KSR1: variants seen among roughly 807,000 people sequenced by gnomAD.
The protein encoded by KSR1 is kinase suppressor of ras.
KSR1 carries 35 observed loss-of-function variants against 92.9 expected under a neutral mutation model. The observed-to-expected ratio is 0.38, with a 90% CI of 0.29 to 0.50. The LOEUF (loss-of-function observed/expected upper bound fraction) is 0.50. KSR1 is among the 20% of genes least tolerant of loss of function. The pLI, the probability that KSR1 is intolerant of heterozygous loss-of-function variation, is 0.94. For missense variants in KSR1, 972 were observed against 1,158.5 expected (o/e 0.84, Z 2.34); for synonymous variants, 467 against 472.6 (o/e 0.99, Z 0.15).
At chr17:27,542,127 C>A (rs1255289037) in intron 1 of KSR1, among the ~76,000 whole-genome samples, 3 of 152,250 alleles carry the variant, frequency 2.0e-5, no homozygotes, top group Non-Finnish European at 4.4e-5. Flanking sequence ...CATCAGTCAC[C>A]CTTGTGCTAT....
At chr17:27,468,466 C>T (rs187909413) in intron 1 of KSR1, among the ~76,000 whole-genome samples, 9 of 151,378 alleles carry the variant, frequency 5.9e-5, no homozygotes, top group Admixed American at 2.6e-4. Context: ...TGAGCTCAAG[C>T]AATTTACCCA....
At position 27,511,555 on chromosome 17, in the gene KSR1, G is replaced by A. The variant is rs115086895; in HGVS notation, c.232-39013G>A. Among the ~76,000 whole-genome samples the A allele has an allele frequency of 3.3e-3, 502 of 152,332 alleles. 1 individual carries two copies. The highest frequency in any genetic ancestry group is 0.011 in the African/African-American group (475 of 41,584). On this transcript the variant is annotated intron_variant, in intron 1 of 20. Coordinates refer to ENST00000644974, the MANE Select transcript of KSR1 (RefSeq NM_001394583.1). ...CCCACTCAGGAGGGGCCTGTGGAGCGTTGGGCCAAGTTTCCTGCAGGACCT... is the reference window on the plus strand; with the variant it reads ...CCCACTCAGGAGGGGCCTGTGGAGCATTGGGCCAAGTTTCCTGCAGGACCT...
intron 1 of KSR1, among the ~76,000 whole-genome samples, chr17:27,496,199 C>T (rs778734626): frequency 4.2e-4 from 64 of 152,206 alleles, no homozygotes; most frequent in African/African-American, 1.4e-3. Context: ...AGTGAGGCCC[C>T]GGGTGGCGTT....
At chr17:27,596,059 C>G (rs2073335099) in intron 9 of KSR1, among the ~76,000 whole-genome samples, 1 of 148,992 alleles carries the variant, frequency 6.7e-6, no homozygotes, top group Admixed American at 6.9e-5. Flanking sequence ...CAGGTACCAC[C>G]TGGGCTAATA....
At chr17:27,602,393 C>T (rs1024674301) in intron 11 of KSR1, among the ~76,000 whole-genome samples, 46 of 152,188 alleles carry the variant, frequency 3.0e-4, no homozygotes, top group African/African-American at 8.2e-4. Context: ...CTAGGATGCA[C>T]GCAGGGAATT....
At position 27,611,611 on chromosome 17, in the gene KSR1, C is replaced by T. The variant is rs531863628; in HGVS notation, c.2475C>T (p.Ser825=). The T allele has an allele frequency of 3.1e-6, 5 of 1,613,802 alleles. No homozygotes were observed. The highest frequency in any genetic ancestry group is 4.2e-6 in the Non-Finnish European group (5 of 1,179,788). ...EGMKRVLTSV[S]LGKEVSEILS... ...TGAAGCGTGTCCTGACTTCTGTCAG[C>T]TTGGGGAAGGAAGTCAGTGTAAGTA... The change falls in exon 18 of 21, where the codon AGC becomes AGT. Residue 825 remains serine (S), a synonymous_variant. Coordinates refer to ENST00000644974, the MANE Select transcript of KSR1 (RefSeq NM_001394583.1).
At chr17:27,580,327 C>G (rs1432682863) in intron 3 of KSR1, among the ~76,000 whole-genome samples, 2 of 152,150 alleles carry the variant, frequency 1.3e-5, no homozygotes, top group Non-Finnish European at 2.9e-5. Flanking sequence ...TATGGGAGCA[C>G]AGGGACTGAG....
chr17:27,565,728 A>G (rs1288391308), intron 2 of KSR1, among the ~76,000 whole-genome samples: 1 of 152,268 alleles, frequency 6.6e-6, no homozygotes, highest in East Asian at 1.9e-4. Context: ...GCTGGCCACT[A>G]ATTATTATTT....
At chr17:27,471,671 A>G (rs2020013292) in intron 1 of KSR1, among the ~76,000 whole-genome samples, 1 of 152,262 alleles carries the variant, frequency 6.6e-6, no homozygotes, top group South Asian at 2.1e-4. Flanking sequence ...AACTCAGCAA[A>G]CAGGTGTCCT....
chr17:27,497,060 T>C lies in KSR1; in HGVS notation c.231+40186T>C, dbSNP rs200855244. Among the ~76,000 whole-genome samples, 16 of 152,334 alleles carry C rather than the reference T, an allele frequency of 1.1e-4. No homozygotes were observed. The East Asian group carries it at 3.1e-3, about 29-fold the overall frequency. On this transcript the variant is annotated intron_variant, in intron 1 of 20. Transcript: ENST00000644974. ...AGTAAGTGGGCTTTTCCTCCTTCCCTGTTGGGCAGGAGAATGCGGAGCTGC... is the reference window on the plus strand; with the variant it reads ...AGTAAGTGGGCTTTTCCTCCTTCCCCGTTGGGCAGGAGAATGCGGAGCTGC...
intron 1 of KSR1, among the ~76,000 whole-genome samples, chr17:27,522,353 C>G (rs1343162464): frequency 6.6e-6 from 1 of 152,222 alleles, no homozygotes; most frequent in East Asian, 1.9e-4. Flanking sequence ...CAGCTTTGGC[C>G]CCCGCTCCCC....
chr17:27,545,184 G>A (rs915921457), intron 1 of KSR1, among the ~76,000 whole-genome samples: 2 of 152,232 alleles, frequency 1.3e-5, no homozygotes, highest in Non-Finnish European at 2.9e-5. Context: ...GCTTTGGGCT[G>A]TCTAGCGGGG....
At chr17:27,572,718 G>A (rs2151142868) in intron 2 of KSR1, among the ~76,000 whole-genome samples, 1 of 152,346 alleles carries the variant, frequency 6.6e-6, no homozygotes, top group East Asian at 1.9e-4. Context: ...CAGGAAAGTT[G>A]TGAGTTACTC....
At chr17:27,572,352 A>G (rs2151142038) in intron 2 of KSR1, among the ~76,000 whole-genome samples, 1 of 152,322 alleles carries the variant, frequency 6.6e-6, no homozygotes, top group East Asian at 1.9e-4. Flanking sequence ...GCATCTCTCA[A>G]GATGGATTGG....
chr17:27,488,888 C>A (rs368010795), intron 1 of KSR1, among the ~76,000 whole-genome samples: 26 of 152,304 alleles, frequency 1.7e-4, no homozygotes, highest in African/African-American at 6.0e-4. Flanking sequence ...TGCTTGAACC[C>A]GGGAGGCGGA....
At chr17:27,463,920 T>C (rs1390233427) in intron 1 of KSR1, among the ~76,000 whole-genome samples, 1 of 152,182 alleles carries the variant, frequency 6.6e-6, no homozygotes, top group Non-Finnish European at 1.5e-5. Context: ...GGAATTTCCA[T>C]GTGGTCCAGC....
chr17:27,601,837 G>T (rs2073570615), intron 11 of KSR1: 2 of 1,306,098 alleles, frequency 1.5e-6, no homozygotes, highest in Non-Finnish European at 2.2e-6. Context: ...AACCCATTTG[G>T]GAAGGTCTGC....
Position 27,592,358 on chromosome 17 carries a change from C to T in KSR1, c.1131-3C>T, listed in dbSNP as rs906863045. The T allele has an allele frequency of 1.2e-6, 2 of 1,613,700 alleles. No individual in the cohort carries two copies. Among genetic ancestry groups the T allele is most frequent in the Non-Finnish European group, 8.5e-7 (1 of 1,179,638 alleles). ...TGCACACCAACCTCCCCTTCTTTACCAGGTTGAAGTGTCACAACAAATGTA... is the reference window on the plus strand; with the variant it reads ...TGCACACCAACCTCCCCTTCTTTACTAGGTTGAAGTGTCACAACAAATGTA... On this transcript the variant is annotated splice_region_variant and splice_polypyrimidine_tract_variant and intron_variant, in intron 7 of 20. Coordinates refer to ENST00000644974, the MANE Select transcript of KSR1 (RefSeq NM_001394583.1).
chr17:27,613,391 G>A (rs1179045233), intron 18 of KSR1: 1 of 152,212 alleles, frequency 6.6e-6, no homozygotes, highest in Non-Finnish European at 1.5e-5. Context: ...TGAGGAGAGT[G>A]GAATTCATTA....
Sources: gnomAD v4.1 joint callset for allele counts (sites outside exome capture counted in the v4.1 genomes callset) on GRCh38, gnomAD v4.1.1 for gene constraint, MANE v1.5 for transcripts, NCBI Gene and HGNC (gene_info 2026-07-23, HGNC 2026-07-21) for gene names.